The following SOAT1 variants were observed in gnomAD, a reference collection of about 807,000 sequenced individuals.
SOAT1 encodes sterol O-acyltransferase 1, also known as acyl-coenzyme A:cholesterol acyltransferase 1.
A neutral mutation model predicts 69.5 loss-of-function variants in SOAT1; 55 were observed. The ratio of observed to expected loss-of-function variants is 0.79; its 90% CI spans 0.64 to 0.99. The LOEUF is 0.99. Among genes scored for constraint, SOAT1 ranks in the 50% least tolerant of loss-of-function variants. The pLI, the probability that SOAT1 is intolerant of heterozygous loss-of-function variation, is 0.00. For synonymous variants in SOAT1, 231 were observed against 224.7 expected, an observed-to-expected ratio of 1.03 and a Z score of -0.25; for missense variants, 580 against 669.3, an observed-to-expected ratio of 0.87 and a Z score of 1.47.
rs138003887 is a variant in SOAT1 at position 179,308,948 on chromosome 1, G to A, written c.118+6146G>A. Among the ~76,000 whole-genome samples the A allele has an allele frequency of 1.2e-4, 18 of 152,080 alleles. No individual in the cohort carries two copies. In the East Asian group the frequency reaches 3.3e-3, roughly 28 times the overall value. On this transcript the variant is annotated intron_variant, in intron 2 of 15. Transcript: ENST00000367619. Reference sequence around the variant, plus strand: ...TACCTGTGTAGTATTTCTGCTGTACGGATGCTTGGCGGTTTATTTAACTTG... The same window carrying A: ...TACCTGTGTAGTATTTCTGCTGTACAGATGCTTGGCGGTTTATTTAACTTG...
Position 179,354,859 on chromosome 1 carries a change from A to G in SOAT1, c.*1218A>G, listed in dbSNP as rs752103131. 3.9e-5 allele frequency: 6 copies of G among 152,030 alleles called. No homozygotes were observed. Among genetic ancestry groups the G allele is most frequent in the Non-Finnish European group, 7.4e-5 (5 of 67,822 alleles). The allele number at this position is 152,030 out of a possible 1,614,324, so 9.4% of individuals were successfully genotyped here. ...GTAAAGATTGAGCATTGGAAGGGGT[A>G]TCAGAGACCATGTAGTTCAACTTTC... On this transcript the variant is annotated 3_prime_UTR_variant, in exon 16 of 16. Transcript: ENST00000367619.
Position 179,342,126 on chromosome 1 carries a change from A to T in SOAT1, c.793A>T (p.Met265Leu). 1.9e-6 allele frequency: 3 copies of T among 1,613,762 alleles called. No homozygotes were observed. Among genetic ancestry groups the T allele is most frequent in the Non-Finnish European group, 2.5e-6 (3 of 1,179,776 alleles). The change falls in exon 8 of 16, where the codon ATG becomes TTG. Residue 265 changes from methionine to leucine, a missense_variant. Transcript: ENST00000367619. ...CCTGCTTTTGTAGATTCGTTTTGTA[A>T]TGAAGGCCCACTCATTTGTCAGAGA... ...IIIFEQIRFVMKAHSFVRENV... is the reference protein window; with the variant it reads ...IIIFEQIRFVLKAHSFVRENV...
intron 3 of SOAT1, among the ~76,000 whole-genome samples, chr1:179,329,713 T>C (rs1477037630): frequency 7.1e-6 from 1 of 140,730 alleles, no homozygotes; most frequent in Non-Finnish European, 1.5e-5. Flanking sequence ...AGACTTCATC[T>C]CAAAAAAAAA....
Position 179,342,954 on chromosome 1 carries a change from T to C in SOAT1, c.941+11T>C, listed in dbSNP as rs151323751. ...TGACAGCTATCCCAGGTAATGGTAC[T>C]GTGAACCAGAAATGTGGTAAACACC... On this transcript the variant is annotated intron_variant, in intron 9 of 15. Transcript: ENST00000367619. 1.1e-5 allele frequency: 17 copies of C among 1,607,866 alleles called. No homozygotes were observed. The highest frequency in any genetic ancestry group is 1.4e-5 in the Non-Finnish European group (16 of 1,174,426).
chr1:179,317,408 C>T (rs1419773742), intron 2 of SOAT1, among the ~76,000 whole-genome samples: 1 of 151,894 alleles, frequency 6.6e-6, no homozygotes, highest in Non-Finnish European at 1.5e-5. Context: ...TGGCGGGCGC[C>T]TGTAGTCCCA....
intron 3 of SOAT1, among the ~76,000 whole-genome samples, chr1:179,332,941 T>G (rs1408517622): frequency 1.3e-5 from 2 of 152,208 alleles, no homozygotes; most frequent in Admixed American, 6.5e-5. Context: ...AGCAGAGTTC[T>G]TTCTTCCTTG....
chr1:179,323,951 C>G (rs1289757487), intron 3 of SOAT1, among the ~76,000 whole-genome samples: 1 of 152,096 alleles, frequency 6.6e-6, no homozygotes, highest in Non-Finnish European at 1.5e-5. Context: ...AACCAGAATT[C>G]TTCAGTACCC....
At chr1:179,341,565 C>T (rs2248979) in intron 7 of SOAT1, among the ~76,000 whole-genome samples, 41,927 of 147,630 alleles carry the variant, frequency 0.28, 6,269 homozygotes, top group African/African-American at 0.38. Flanking sequence ...GACAGAGTCT[C>T]GCTCTGTCAC....
At position 179,356,371 on chromosome 1, in the gene SOAT1, ATTTTG is replaced by A. The variant is rs1282412718; in HGVS notation, c.*2739_*2743del. 10 of 151,404 alleles carry A rather than the reference ATTTTG, an allele frequency of 6.6e-5. No individual in the cohort carries two copies. The East Asian group carries it at 1.9e-3, about 29-fold the overall frequency. The allele number at this position is 151,404 out of a possible 1,614,324, so 9.4% of individuals were successfully genotyped here. On this transcript the variant is annotated 3_prime_UTR_variant, in exon 16 of 16. Transcript: ENST00000367619. Reference sequence around the variant, plus strand: ...ATCTTGGATAATGATGCAAAATGGAATTTTGTTTTGTTTGTTGGTAGATTCACATA... The same window carrying A: ...ATCTTGGATAATGATGCAAAATGGAATTTTGTTTGTTGGTAGATTCACATA...
At chr1:179,320,119 T>G (rs1357274953) in intron 2 of SOAT1, among the ~76,000 whole-genome samples, 1 of 152,146 alleles carries the variant, frequency 6.6e-6, no homozygotes, top group East Asian at 1.9e-4. Flanking sequence ...TCTTGATTGT[T>G]CTTTTGGTGT....
intron 11 of SOAT1, among the ~76,000 whole-genome samples, chr1:179,345,846 G>A (rs904634729): frequency 6.6e-6 from 1 of 152,010 alleles, no homozygotes; most frequent in Non-Finnish European, 1.5e-5. Context: ...CACCATGCTT[G>A]GCCTTTTGCC....
At chr1:179,298,626 C>T (rs568448266) in intron 1 of SOAT1, among the ~76,000 whole-genome samples, 85 of 152,258 alleles carry the variant, frequency 5.6e-4, no homozygotes, top group African/African-American at 7.2e-4. Context: ...GCCACCACGC[C>T]GGGCTAAATG....
intron 4 of SOAT1, 102 bp downstream of exon 4, chr1:179,335,759 A>G (rs749430312): frequency 8.6e-6 from 9 of 1,047,490 alleles, no homozygotes; most frequent in Non-Finnish European, 1.1e-5. Context: ...CCCTGGTGTC[A>G]CTTTCTATTG....
chr1:179,302,504 G>A (rs150547067), intron 1 of SOAT1, among the ~76,000 whole-genome samples, 173 bp from the exon 2 acceptor site: 1 of 152,184 alleles, frequency 6.6e-6, no homozygotes, highest in Non-Finnish European at 1.5e-5. Context: ...CGTAAGACAT[G>A]CCTTGCCTCC....
chr1:179,325,387 C>T (rs1326580543), intron 3 of SOAT1, among the ~76,000 whole-genome samples: 2 of 151,976 alleles, frequency 1.3e-5, no homozygotes, highest in East Asian at 1.9e-4. Context: ...CTCCTGACCT[C>T]GTGAGCTGCC....
chr1:179,345,215 T>C (rs1666487065), intron 11 of SOAT1, 139 bp downstream of exon 11: 2 of 755,996 alleles, frequency 2.6e-6, no homozygotes, highest in Non-Finnish European at 4.3e-6. Context: ...CTCTTTTGCA[T>C]CTACTTTATA....
chr1:179,313,454 G>A (rs1438428862), intron 2 of SOAT1, among the ~76,000 whole-genome samples: 1 of 151,106 alleles, frequency 6.6e-6, no homozygotes, highest in Non-Finnish European at 1.5e-5. Context: ...TTTTAATGTG[G>A]CTCCTAAAAA....
rs368392963 is a variant in SOAT1 at position 179,357,509 on chromosome 1, G to A, written c.*3868G>A. 5 of 152,204 alleles carry A rather than the reference G, an allele frequency of 3.3e-5. No individual in the cohort carries two copies. In the East Asian group the frequency reaches 5.8e-4, roughly 18 times the overall value. 9.4% of individuals were successfully genotyped at this position (152,204 alleles called of 1,614,324 possible). ...AGCCATGCTCCCGGCCAAAGTGAAT[G>A]TTTTGGGTGAAGTTTATATAAGGAT... On this transcript the variant is annotated 3_prime_UTR_variant, in exon 16 of 16. Coordinates refer to ENST00000367619, the MANE Select transcript of SOAT1 (RefSeq NM_003101.6).
At chr1:179,318,881 CTAT>C (rs1665490510) in intron 2 of SOAT1, among the ~76,000 whole-genome samples, 1 of 152,106 alleles carries the variant, frequency 6.6e-6, no homozygotes, top group South Asian at 2.1e-4. Flanking sequence ...TTTCCACTTT[CTAT>C]TATTATGACT....
Sources: allele counts gnomAD v4.1 joint callset (sites outside exome capture counted in the v4.1 genomes callset), GRCh38; gene constraint gnomAD v4.1.1; transcripts MANE v1.5; gene names NCBI Gene and HGNC (gene_info 2026-07-23, HGNC 2026-07-21).